The following FBN3 variants were observed in gnomAD, a reference collection of about 807,000 sequenced individuals.
The protein encoded by FBN3 is fibrillin-3.
In FBN3, 234 loss-of-function variants were observed where a neutral mutation model predicts 330.1. The observed-to-expected ratio is 0.71, with a 90% CI of 0.64 to 0.79. FBN3 has a LOEUF of 0.79. Ranked by LOEUF, FBN3 falls within the 30% of genes least tolerant of loss-of-function variation. The pLI is 0.00. For synonymous variants in FBN3, 1,458 were observed against 1,517.3 expected, an observed-to-expected ratio of 0.96 and a Z score of 0.91; for missense variants, 3,606 against 3,886.9, an observed-to-expected ratio of 0.93 and a Z score of 1.92.
At chr19:8,114,717 G>A (rs2082668464) in intron 30 of FBN3, among the ~76,000 whole-genome samples, 2 of 151,788 alleles carry the variant, frequency 1.3e-5, no homozygotes, top group African/African-American at 4.8e-5. Flanking sequence ...GTGAGCCACT[G>A]CACCAGGCGG....
chr19:8,104,471 T>TA lies in FBN3; in HGVS notation c.4814-785dup, dbSNP rs5826993. The stretch of plus-strand genomic sequence containing the variant: ...GGACAACAGAGTGAGACACTGGCTC[T>TA]AAAAAAAAAAAAAAAAATTCCTAAA... On this transcript the variant is annotated intron_variant, in intron 38 of 63. Coordinates refer to ENST00000600128, the MANE Select transcript of FBN3 (RefSeq NM_032447.5). 2.6e-3 allele frequency among the ~76,000 whole-genome samples: 375 copies of TA among 142,250 alleles called. 3 individuals carry two copies. Among genetic ancestry groups the TA allele is most frequent in the African/African-American group, 8.4e-3 (318 of 37,720 alleles). 93.3% of individuals were successfully genotyped at this position (142,250 alleles called of 152,430 possible).
rs1327567104 is a variant in FBN3, at chr19:8,086,323, C to A, written c.6757G>T (p.Asp2253Tyr). The A allele has an allele frequency of 1.2e-6, 2 of 1,601,588 alleles. No homozygotes were observed. The highest frequency in any genetic ancestry group is 2.3e-5 in the East Asian group (1 of 44,108). ...LPGSGEGCTD[D>Y]NECHAQPDLC... ...TCAGGCTGAGCGTGGCATTCATTGT[C>A]ATCTGAGATGGGAGGGGTGAGGCAG... Residue 2253 changes from aspartate to tyrosine, a missense_variant and splice_region_variant, in exon 55 of 64, where the codon GAC becomes TAC. By Grantham distance (160) the Asp-to-Tyr change is radical (BLOSUM62 -3). Transcript: ENST00000600128.
At chr19:8,108,592 G>T (rs1490210245) in intron 36 of FBN3, among the ~76,000 whole-genome samples, 2 of 152,072 alleles carry the variant, frequency 1.3e-5, no homozygotes, top group Non-Finnish European at 2.9e-5. Flanking sequence ...TTTTCCCCAT[G>T]CAAGGAAGAC....
chr19:8,129,436 G>T lies in FBN3; in HGVS notation c.2045-71C>A. The T allele has an allele frequency of 1.3e-6, 2 of 1,582,232 alleles. No individual in the cohort carries two copies. Among genetic ancestry groups the T allele is most frequent in the South Asian group, 1.2e-5 (1 of 85,294 alleles). On this transcript the variant is annotated intron_variant, in intron 16 of 63. Transcript: ENST00000600128. The surrounding 1 kb of genome is among the most constrained non-coding windows in gnomAD (Gnocchi z 4.5). ...GTCCGAGGCAGGAGGAGGGTGTGTCGCGGCGCACCAGGGGTCTCTAGAAGT... is the reference window on the plus strand; with the variant it reads ...GTCCGAGGCAGGAGGAGGGTGTGTCTCGGCGCACCAGGGGTCTCTAGAAGT...
Position 8,072,165 on chromosome 19 carries a change from T to C in FBN3, c.7971A>G (p.Gly2657=), listed in dbSNP as rs1174086510. The C allele has an allele frequency of 2.5e-6, 4 of 1,586,478 alleles. No individual in the cohort carries two copies. The highest frequency in any genetic ancestry group is 3.4e-6 in the Non-Finnish European group (4 of 1,167,132). Residue 2657 remains glycine, a synonymous_variant, in exon 63 of 64, where the codon GGA becomes GGG. Transcript: ENST00000600128. ...CCTCTTTGTCCGGGGTGTCCTGGGG[T>C]CCGGGGCTGAAGCCCAGGCCGGAGA... ...HCVSGLGFSP[G]PQDTPDKEEL...
chr19:8,135,935 T>TTGGGGGGGGGGGGCCG, intron 13 of FBN3, 26 bp downstream of exon 13: 1 of 1,344,156 alleles, frequency 7.4e-7, no homozygotes, highest in Non-Finnish European at 1.0e-6. Context: ...CGGAAGCCCC[T>TTGGGGGGGGGGGGCCG]GCCCACCCGC....
At chr19:8,071,733 G>A (rs1177009516) in intron 63 of FBN3, among the ~76,000 whole-genome samples, 1 of 152,062 alleles carries the variant, frequency 6.6e-6, no homozygotes, top group African/African-American at 2.4e-5. Context: ...CTGCATCCAA[G>A]TGCCTTTATA....
intron 40 of FBN3, 32 bp from the exon 41 acceptor site, chr19:8,101,004 G>A (rs371189453): frequency 6.9e-6 from 11 of 1,586,870 alleles, no homozygotes; most frequent in Non-Finnish European, 8.6e-6. Context: ...TGAGTCTGGG[G>A]CTGCAGGCCT....
At chr19:8,107,065 G>A (rs577918876) in intron 37 of FBN3, among the ~76,000 whole-genome samples, 2 of 151,346 alleles carry the variant, frequency 1.3e-5, no homozygotes, top group East Asian at 3.9e-4. Context: ...GCAGAGGGAT[G>A]AGTGATGAAT....
chr19:8,085,680 G>A (rs912289146), intron 55 of FBN3, 111 bp from the exon 56 acceptor site: 14 of 780,086 alleles, frequency 1.8e-5, no homozygotes, highest in Admixed American at 3.2e-5. Flanking sequence ...GGACAGGGGT[G>A]TCCAGGAGGG....
Position 8,131,534 on chromosome 19 carries a change from C to T in FBN3, c.1990+20G>A. The T allele has an allele frequency of 1.3e-6, 2 of 1,588,420 alleles. No individual in the cohort carries two copies. The highest frequency in any genetic ancestry group is 1.7e-6 in the Non-Finnish European group (2 of 1,164,730). On this transcript the variant is annotated intron_variant, in intron 15 of 63. Coordinates refer to ENST00000600128, the MANE Select transcript of FBN3 (RefSeq NM_032447.5). This position sits in a 1 kb window ranked among gnomAD's most constrained non-coding sequence, Gnocchi z 4.5. The stretch of plus-strand genomic sequence containing the variant: ...ATTCAGACCAAGGAGGCGATGGGGA[C>T]CGGGCAGCCGGATGCTCACCGGAGT...
rs762486993 is a variant in FBN3 at position 8,146,139 on chromosome 19, C to T, written c.337G>A (p.Gly113Arg). Residue 113 changes from glycine (G) to arginine (R), a missense_variant, in exon 4 of 64, where the codon GGG (glycine) becomes AGG (arginine). Gly to Arg is a moderately radical substitution (Grantham distance 125, BLOSUM62 -2). Transcript: ENST00000600128. ...GCTTCCCGCTCACCTCGGCTCACCC[C>T]GCAGCTGGGAGCCAGCGTCCCATCC... Reference protein sequence around the residue: ...CADGTLAPSCGVSRGSGCSVS... With the variant: ...CADGTLAPSCRVSRGSGCSVS... 2.3e-5 allele frequency: 37 copies of T among 1,595,946 alleles called. No homozygotes were observed. Among genetic ancestry groups the T allele is most frequent in the Middle Eastern group, 1.7e-4 (1 of 6,042 alleles).
In FBN3 at chr19:8,117,546, G is replaced by A. The variant is rs142418944; in HGVS notation, c.3381C>T (p.Gly1127=). ...AGGCACCGATGACATTGACACACTGGCCATGGGGACACAGGCCATCACTCA... is the reference window on the plus strand; with the variant it reads ...AGGCACCGATGACATTGACACACTGACCATGGGGACACAGGCCATCACTCA... ...CSLSDGLCPH[G]QCVNVIGAFQ... is the part of the protein sequence containing the mutation. Residue 1127 remains glycine, a synonymous_variant, in exon 27 of 64, where the codon GGC becomes GGT. Transcript: ENST00000600128. 158 of 1,557,860 alleles carry A rather than the reference G, an allele frequency of 1.0e-4. No individual in the cohort carries two copies. The African/African-American group carries it at 1.7e-3, about 17-fold the overall frequency.
intron 27 of FBN3, 56 bp downstream of exon 27, chr19:8,117,408 A>G (rs1393583055): frequency 1.3e-6 from 2 of 1,552,596 alleles, no homozygotes; most frequent in Non-Finnish European, 1.7e-6. Context: ...AGGAGCTACC[A>G]CTATGTCTGG....
At chr19:8,108,472 T>A (rs990789307) in intron 36 of FBN3, among the ~76,000 whole-genome samples, 1 of 151,992 alleles carries the variant, frequency 6.6e-6, no homozygotes, top group Non-Finnish European at 1.5e-5. Context: ...TGTGTGTAAA[T>A]GTGGGTTCCC....
At chr19:8,119,493 T>C (rs1003343092) in intron 25 of FBN3, among the ~76,000 whole-genome samples, 1 of 152,038 alleles carries the variant, frequency 6.6e-6, no homozygotes, top group East Asian at 1.9e-4. Context: ...TCACCCCCAC[T>C]CCATTCTTTC....
chr19:8,118,858 G>T, intron 26 of FBN3, 39 bp downstream of exon 26: 1 of 1,589,332 alleles, frequency 6.3e-7, no homozygotes, highest in Non-Finnish European at 8.6e-7. Flanking sequence ...CACACACATG[G>T]GCTAACACTC....
At chr19:8,135,936 G>GGGGGGGGGGGGGCGCCCCCCCCCCCCC in intron 13 of FBN3, 25 bp downstream of exon 13, 3 of 668,772 alleles carry the variant, frequency 4.5e-6, no homozygotes, top group Non-Finnish European at 7.2e-6. Flanking sequence ...GGAAGCCCCT[G>GGGGGGGGGGGGGCGCCCCCCCCCCCCC]CCCACCCGCC....
chr19:8,081,543 G>C, intron 57 of FBN3, 63 bp from the exon 58 acceptor site: 1 of 1,503,538 alleles, frequency 6.7e-7, no homozygotes, highest in African/African-American at 1.4e-5. Context: ...GGGTGTTCAG[G>C]GACTGAGGTC....
Sources: gnomAD v4.1 joint callset for allele counts (sites outside exome capture counted in the v4.1 genomes callset) on GRCh38, gnomAD v4.1.1 for gene constraint, Gnocchi (gnomAD v3.1) non-coding constraint, MANE v1.5 for transcripts, NCBI Gene and HGNC (gene_info 2026-07-23, HGNC 2026-07-21) for gene names.